TSPEAR: variants seen among roughly 807,000 people sequenced by gnomAD.
TSPEAR encodes the protein thrombospondin type laminin G domain and EAR repeats.
In TSPEAR, 69 loss-of-function variants were observed where a neutral mutation model predicts 71.6. The ratio of observed to expected loss-of-function variants is 0.96; its 90% CI spans 0.79 to 1.18. The LOEUF (loss-of-function observed/expected upper bound fraction) is 1.18, where lower values mean the gene tolerates loss of function less well. Among genes scored for constraint, TSPEAR ranks in the 50% most tolerant of loss-of-function variants. The pLI is 0.00. For missense variants in TSPEAR, 971 were observed against 894.9 expected, an observed-to-expected ratio of 1.09 and a Z score of -1.09; for synonymous variants, 402 against 387.2, an observed-to-expected ratio of 1.04 and a Z score of -0.45.
rs1009795151 is a variant in TSPEAR at position 44,593,802 on chromosome 21, T to C, written c.83-25797A>G. Among the ~76,000 whole-genome samples the C allele has an allele frequency of 8.5e-5, 13 of 152,146 alleles. No individual in the cohort carries two copies. The highest frequency in any genetic ancestry group is 7.7e-4 in the East Asian group (4 of 5,190). Reference sequence around the variant, plus strand: ...CGCCACAGCTGCTGTTTTTCTACAGTGGCTAAACACGCACTGGCCCCGCGA... The same window carrying C: ...CGCCACAGCTGCTGTTTTTCTACAGCGGCTAAACACGCACTGGCCCCGCGA... On this transcript the variant is annotated intron_variant, in intron 1 of 11. Transcript: ENST00000323084. This position sits in a 1 kb window ranked among gnomAD's most constrained non-coding sequence, Gnocchi z 5.9.
At chr21:44,550,544 G>A in intron 2 of TSPEAR, 1 of 1,234,186 alleles carries the variant, frequency 8.1e-7, no homozygotes, top group Non-Finnish European at 1.1e-6. Context: ...AGAGGAGCCA[G>A]TGAGCATCTG....
At chr21:44,514,539 G>A (rs1304305006) in intron 9 of TSPEAR, among the ~76,000 whole-genome samples, 2 of 152,338 alleles carry the variant, frequency 1.3e-5, no homozygotes, top group East Asian at 3.9e-4. Context: ...AATCACAGAA[G>A]CACCAAGCTT....
At position 44,687,874 on chromosome 21, in the gene TSPEAR, G is replaced by A. The variant is rs557634507; in HGVS notation, c.82+23559C>T. Among the ~76,000 whole-genome samples the A allele has an allele frequency of 3.7e-4, 56 of 152,324 alleles. No individual in the cohort carries two copies. Among genetic ancestry groups the A allele is most frequent in the African/African-American group, 1.3e-3 (54 of 41,574 alleles). ...AGTTAATGGCAGGTTGCTGCAGTGT[G>A]TGAGTGAAGTGTGCGGTTGCTGCAC... On this transcript the variant is annotated intron_variant, in intron 1 of 11. Coordinates refer to ENST00000323084, the MANE Select transcript of TSPEAR (RefSeq NM_144991.3). This position sits in a 1 kb window ranked among gnomAD's most constrained non-coding sequence, Gnocchi z 4.4.
intron 1 of TSPEAR, among the ~76,000 whole-genome samples, chr21:44,611,658 A>C (rs192054350): frequency 4.3e-4 from 65 of 152,200 alleles, no homozygotes; most frequent in African/African-American, 1.6e-3. Flanking sequence ...ATGGAGCAGA[A>C]CTCTGGGACA....
rs536312900 is a variant in TSPEAR at position 44,695,665 on chromosome 21, C to T, written c.82+15768G>A. 2.6e-4 allele frequency among the ~76,000 whole-genome samples: 40 copies of T among 152,304 alleles called. No homozygotes were observed. The South Asian group carries it at 7.9e-3, about 30-fold the overall frequency. On this transcript the variant is annotated intron_variant, in intron 1 of 11. Coordinates refer to ENST00000323084, the MANE Select transcript of TSPEAR (RefSeq NM_144991.3). The surrounding 1 kb of genome is among the most constrained non-coding windows in gnomAD (Gnocchi z 4.5). ...TGTTAAACTGCTCATAGCTTGAAAT[C>T]AGCCAGGATATGAATATTTACACCA... is the stretch of plus-strand genomic sequence containing the variant.
intron 2 of TSPEAR, chr21:44,557,700 C>A: frequency 3.2e-6 from 1 of 316,690 alleles, no homozygotes; most frequent in Non-Finnish European, 5.9e-6. Context: ...CTGGATGCAG[C>A]TCAAGGCCAG....
At chr21:44,535,896 CAA>C (rs10712664) in intron 2 of TSPEAR, among the ~76,000 whole-genome samples, 237 of 136,756 alleles carry the variant, frequency 1.7e-3, no homozygotes, top group Admixed American at 3.5e-3. Context: ...CTATGTTTAT[CAA>C]AAAAAAAAAA....
chr21:44,584,618 C>A (rs587599934), intron 1 of TSPEAR, among the ~76,000 whole-genome samples: 2 of 152,220 alleles, frequency 1.3e-5, no homozygotes, highest in Non-Finnish European at 2.9e-5. Context: ...CCCTCTCTCT[C>A]TCTCTCACAC....
chr21:44,669,744 G>A (rs1985966812), intron 1 of TSPEAR, among the ~76,000 whole-genome samples: 1 of 152,218 alleles, frequency 6.6e-6, no homozygotes, highest in Non-Finnish European at 1.5e-5. Flanking sequence ...GGCGTGCCTT[G>A]TTGGGATGAA....
intron 9 of TSPEAR, chr21:44,518,572 G>T (rs2052659765): frequency 2.2e-6 from 1 of 459,180 alleles, no homozygotes; most frequent in Admixed American, 2.4e-5. Context: ...CACAACAGCT[G>T]TTAGGAGACC....
chr21:44,651,924 GCC>G (rs2049524960), intron 1 of TSPEAR, among the ~76,000 whole-genome samples: 1 of 151,824 alleles, frequency 6.6e-6, no homozygotes, highest in Admixed American at 6.6e-5. Context: ...ATAGACCGAG[GCC>G]TATATAGCCC....
intron 1 of TSPEAR, chr21:44,698,093 A>C: frequency 3.2e-6 from 3 of 935,866 alleles, no homozygotes; most frequent in South Asian, 1.7e-5. Context: ...CTCTTCCCCT[A>C]AGCCCTGGGG....
At chr21:44,604,104 T>C (rs782773006) in intron 1 of TSPEAR, among the ~76,000 whole-genome samples, 3 of 152,044 alleles carry the variant, frequency 2.0e-5, no homozygotes, top group Non-Finnish European at 4.4e-5. Flanking sequence ...ACGCCACAGG[T>C]TGTGGGAGCC....
chr21:44,703,082 C>A (rs1249846236), intron 1 of TSPEAR, among the ~76,000 whole-genome samples: 2 of 152,218 alleles, frequency 1.3e-5, no homozygotes, highest in Non-Finnish European at 2.9e-5. Context: ...CTGCCCTTCT[C>A]CTCCAAGCCA....
At chr21:44,521,809 AC>A (rs2052739518) in intron 9 of TSPEAR, 73 bp downstream of exon 9, 1 of 1,424,164 alleles carries the variant, frequency 7.0e-7, no homozygotes, top group African/African-American at 1.4e-5. Flanking sequence ...AGCCCACATC[AC>A]CTGTCCAGCA....
At chr21:44,685,458 C>T (rs28681623) in intron 1 of TSPEAR, among the ~76,000 whole-genome samples, 48,977 of 151,352 alleles carry the variant, frequency 0.32, 8,022 homozygotes, top group Middle Eastern at 0.39. Flanking sequence ...GTGAGACTGA[C>T]CAGACCCACA....
chr21:44,499,912 C>T lies in TSPEAR; in HGVS notation c.1881G>A (p.Val627=), dbSNP rs782394788. ...IYRWQGYEGF[V]AVHSLPTVGC... ...CGACGGTGGGGAGGCTGTGCACCGC[C>T]ACGAAGCCCTCGTAGCCCTGCCACC... Residue 627 remains valine (V), a synonymous_variant, in exon 12 of 12, where the codon GTG becomes GTA. Transcript: ENST00000323084. 2.5e-6 allele frequency: 4 copies of T among 1,608,158 alleles called. No homozygotes were observed. The South Asian group carries it at 3.3e-5, about 13-fold the overall frequency.
chr21:44,668,455 T>C (rs1401794460), intron 1 of TSPEAR, among the ~76,000 whole-genome samples: 2 of 152,238 alleles, frequency 1.3e-5, no homozygotes, highest in African/African-American at 2.4e-5. Context: ...ATTGTTAATA[T>C]GTCCATACTA....
chr21:44,679,698 C>A (rs1346711777), intron 1 of TSPEAR, among the ~76,000 whole-genome samples: 1 of 152,138 alleles, frequency 6.6e-6, no homozygotes, highest in Non-Finnish European at 1.5e-5. Flanking sequence ...ACACATAGAT[C>A]AATGGAACAG....
Sources: allele counts gnomAD v4.1 joint callset (sites outside exome capture counted in the v4.1 genomes callset), GRCh38; gene constraint gnomAD v4.1.1; non-coding constraint Gnocchi (gnomAD v3.1); transcripts MANE v1.5; gene names NCBI Gene and HGNC (gene_info 2026-07-23, HGNC 2026-07-21).